Variants in KLHL26 observed in about 807,000 individuals in gnomAD.
KLHL26 encodes kelch like family member 26, also known as kelch-like protein 26.
In KLHL26, 4 loss-of-function variants were observed where a neutral mutation model predicts 7.1. That is an observed-to-expected ratio of 0.56 (90% CI 0.28 to 1.28). The LOEUF is 1.28. Among genes scored for constraint, KLHL26 ranks in the 50% most tolerant of loss-of-function variants. KLHL26 has a pLI of 0.11. For missense variants in KLHL26, 896 were observed against 924.6 expected (o/e 0.97, Z 0.40); for synonymous variants, 465 against 414.1 (o/e 1.12, Z -1.49).
Position 18,666,511 on chromosome 19 carries a change from G to T in KLHL26, c.267-1153G>T, listed in dbSNP as rs1423066451. ...GGGGAACACCCTAAACGCTGTAGGG[G>T]AACTGTGACCTAGAACCGTGTGCCT... On this transcript the variant is annotated intron_variant, in intron 2 of 2. Transcript: ENST00000300976. Among the ~76,000 whole-genome samples, 4 of 152,162 alleles carry T rather than the reference G, an allele frequency of 2.6e-5. No homozygotes were observed. The South Asian group carries it at 6.2e-4, about 24-fold the overall frequency.
rs977450484 is a variant in KLHL26, at chr19:18,669,443, G to A, written c.*198G>A. 5.9e-5 allele frequency: 35 copies of A among 589,662 alleles called. No individual in the cohort carries two copies. Among genetic ancestry groups the A allele is most frequent in the Admixed American group, 3.8e-4 (12 of 31,770 alleles). 36.5% of individuals were successfully genotyped at this position (589,662 alleles called of 1,614,324 possible). A position where few individuals can be genotyped will look rare whatever the true frequency, so the allele number is the denominator to read the frequency against. On this transcript the variant is annotated 3_prime_UTR_variant, in exon 3 of 3. Transcript: ENST00000300976. ...GCAGATCCTGGCTGCGAGTCCATCC[G>A]AGGGAGCCTGCCGGCAAAGCGTCTG...
intron 1 of KLHL26, among the ~76,000 whole-genome samples, chr19:18,661,088 C>T (rs549901657): frequency 1.3e-5 from 2 of 152,314 alleles, no homozygotes; most frequent in East Asian, 1.9e-4. Context: ...CATCCTCCAG[C>T]GGCCCTGGGG....
rs563241233 is a variant in KLHL26, at chr19:18,656,499, C to T, written c.84-7762C>T. 2.0e-5 allele frequency among the ~76,000 whole-genome samples: 3 copies of T among 152,258 alleles called. No homozygotes were observed. The highest frequency in any genetic ancestry group is 2.1e-4 in the South Asian group (1 of 4,822). On this transcript the variant is annotated intron_variant, in intron 1 of 2. Coordinates refer to ENST00000300976, the MANE Select transcript of KLHL26 (RefSeq NM_018316.3). This position sits in a 1 kb window ranked among gnomAD's most constrained non-coding sequence, Gnocchi z 4.4. ...CTAGGCACTCCCAGATGCTCTGTCT[C>T]CTGTCATTCTGTCCCCACCCAGCAG...
At position 18,652,865 on chromosome 19, in the gene KLHL26, G is replaced by A. The variant is rs79716662; in HGVS notation, c.84-11396G>A. The stretch of plus-strand genomic sequence containing the variant: ...AGTTCTGGTTCCTGGCTCCGTTGTC[G>A]GCAGGCAGCCTAGAAAAGGGGCACG... On this transcript the variant is annotated intron_variant, in intron 1 of 2. Coordinates refer to ENST00000300976, the MANE Select transcript of KLHL26 (RefSeq NM_018316.3). Among the ~76,000 whole-genome samples the A allele has an allele frequency of 4.1e-3, 628 of 152,244 alleles. 7 individuals are homozygous for A. The highest frequency in any genetic ancestry group is 0.014 in the African/African-American group (591 of 41,528).
Position 18,668,572 on chromosome 19 carries a change from G to A in KLHL26, c.1175G>A (p.Arg392His), listed in dbSNP as rs774964007. The stretch of plus-strand genomic sequence containing the variant: ...TACCGCTACGACCCCCACCTGAATC[G>A]CTGGCTGCGCCTGCAGGCCATGCAG... ...ACYRYDPHLNRWLRLQAMQES... is the reference protein window; with the variant it reads ...ACYRYDPHLNHWLRLQAMQES... Residue 392 changes from arginine (R) to histidine (H), a missense_variant, in exon 3 of 3, where the codon CGC (arginine) becomes CAC (histidine). Coordinates refer to ENST00000300976, the MANE Select transcript of KLHL26 (RefSeq NM_018316.3). 2.5e-6 allele frequency: 4 copies of A among 1,591,716 alleles called. No individual in the cohort carries two copies. Among genetic ancestry groups the A allele is most frequent in the East Asian group, 2.2e-5 (1 of 44,562 alleles).
intron 1 of KLHL26, among the ~76,000 whole-genome samples, chr19:18,659,514 C>T (rs999163482): frequency 2.6e-5 from 4 of 152,346 alleles, no homozygotes; most frequent in South Asian, 4.1e-4. Flanking sequence ...TGAGGGACTG[C>T]GCGCGTCAGA....
chr19:18,645,776 C>T (rs1342080867), intron 1 of KLHL26, among the ~76,000 whole-genome samples: 1 of 150,970 alleles, frequency 6.6e-6, no homozygotes, highest in African/African-American at 2.4e-5. Flanking sequence ...CCTGCCACTG[C>T]ACTCCAGCCT....
At chr19:18,655,820 C>T (rs540679490) in intron 1 of KLHL26, among the ~76,000 whole-genome samples, 9 of 133,842 alleles carry the variant, frequency 6.7e-5, no homozygotes, top group Admixed American at 3.6e-4. Context: ...TTGGCAAGTC[C>T]GGGATGGGGG....
chr19:18,665,800 G>C (rs1452587422), intron 2 of KLHL26, among the ~76,000 whole-genome samples: 2 of 152,190 alleles, frequency 1.3e-5, no homozygotes, highest in Non-Finnish European at 2.9e-5. Context: ...CTTCCTGCCA[G>C]GTGGTGACCC....
chr19:18,666,379 CA>C (rs1568463092), intron 2 of KLHL26, among the ~76,000 whole-genome samples: 1 of 152,212 alleles, frequency 6.6e-6, no homozygotes, highest in African/African-American at 2.4e-5. Flanking sequence ...GGACGGCCAT[CA>C]GGGGAGGTGC....
In KLHL26 at chr19:18,668,298, C is replaced by G. The variant is rs1250871209; in HGVS notation, c.901C>G (p.Arg301Gly). ...PFRQHEMQSP[R>G]TAVRSDVPSL... is the part of the protein sequence containing the mutation. ...CCGGCAGCACGAGATGCAGTCTCCG[C>G]GCACCGCCGTGCGCTCGGATGTGCC... Residue 301 changes from arginine (R) to glycine (G), a missense_variant, in exon 3 of 3, where the codon CGC (arginine) becomes GGC (glycine). By Grantham distance (125) the Arg-to-Gly change is moderately radical. Transcript: ENST00000300976. The G allele has an allele frequency of 6.2e-7, 1 of 1,611,668 alleles. No homozygotes were observed. The highest frequency in any genetic ancestry group is 1.3e-5 in the African/African-American group (1 of 75,050).
chr19:18,644,948 A>G (rs994547968), intron 1 of KLHL26, among the ~76,000 whole-genome samples: 2 of 151,968 alleles, frequency 1.3e-5, no homozygotes, highest in African/African-American at 4.8e-5. Flanking sequence ...CCAACGTTAT[A>G]TAACTTGTTT....
In KLHL26 at chr19:18,646,429, C is replaced by A. The variant is rs1048041952; in HGVS notation, c.83+9292C>A. Among the ~76,000 whole-genome samples, 1 of 152,194 alleles carries A rather than the reference C, an allele frequency of 6.6e-6. No homozygotes were observed. The highest frequency in any genetic ancestry group is 2.4e-5 in the African/African-American group (1 of 41,440). Reference sequence around the variant, plus strand: ...GAGCCAGTGCGCCCGGCCTCATGCCCCTTTCAGAAGGAGGATTTTGACCCT... The same window carrying A: ...GAGCCAGTGCGCCCGGCCTCATGCCACTTTCAGAAGGAGGATTTTGACCCT... On this transcript the variant is annotated intron_variant, in intron 1 of 2. Transcript: ENST00000300976. The surrounding 1 kb of genome is among the most constrained non-coding windows in gnomAD (Gnocchi z 5.0).
intron 1 of KLHL26, among the ~76,000 whole-genome samples, chr19:18,663,720 T>C (rs1472894676): frequency 6.7e-6 from 1 of 149,796 alleles, no homozygotes; most frequent in African/African-American, 2.5e-5. Flanking sequence ...ATTAATTCAT[T>C]GATCCGTTCA....
At chr19:18,637,312 G>T (rs1350744763) in intron 1 of KLHL26, among the ~76,000 whole-genome samples, 175 bp downstream of exon 1, 1 of 152,196 alleles carries the variant, frequency 6.6e-6, no homozygotes, top group Non-Finnish European at 1.5e-5. Flanking sequence ...GGCTACTGAG[G>T]GGGTGGCTGG....
chr19:18,641,422 G>T (rs1266406124), intron 1 of KLHL26, among the ~76,000 whole-genome samples: 2 of 149,554 alleles, frequency 1.3e-5, no homozygotes, highest in Non-Finnish European at 3.0e-5. Flanking sequence ...GGGTTCAAGC[G>T]ATTTTCATGT....
chr19:18,647,167 C>T (rs1976818662), intron 1 of KLHL26, among the ~76,000 whole-genome samples: 1 of 152,226 alleles, frequency 6.6e-6, no homozygotes, highest in Admixed American at 6.5e-5. Flanking sequence ...TGGAATTGCT[C>T]TGAAAGCACT....
At chr19:18,641,818 G>A (rs1976718091) in intron 1 of KLHL26, among the ~76,000 whole-genome samples, 1 of 151,726 alleles carries the variant, frequency 6.6e-6, no homozygotes, top group African/African-American at 2.4e-5. Context: ...TAGTAGAGAC[G>A]GGGTTTCTCC....
Position 18,668,495 on chromosome 19 carries a change from C to T in KLHL26, c.1098C>T (p.Ala366=), listed in dbSNP as rs1418919574. ...TGCTGGACAATTTTGTGTACGTGGC[C>T]GGGGGGCAGCACCTGCAGTACCGCA... ...VAVLDNFVYV[A]GGQHLQYRSG... is the part of the protein sequence containing the mutation. The change falls in exon 3 of 3, where the codon GCC becomes GCT. Residue 366 remains alanine (A), a synonymous_variant. Coordinates refer to ENST00000300976, the MANE Select transcript of KLHL26 (RefSeq NM_018316.3). 5 of 1,606,178 alleles carry T rather than the reference C, an allele frequency of 3.1e-6. No individual in the cohort carries two copies. The highest frequency in any genetic ancestry group is 1.3e-5 in the African/African-American group (1 of 74,878).
Sources: gnomAD v4.1 joint callset for allele counts (sites outside exome capture counted in the v4.1 genomes callset) on GRCh38, gnomAD v4.1.1 for gene constraint, Gnocchi (gnomAD v3.1) non-coding constraint, MANE v1.5 for transcripts, NCBI Gene and HGNC (gene_info 2026-07-23, HGNC 2026-07-21) for gene names.